KCNMB2: variants seen among roughly 807,000 people sequenced by gnomAD.
KCNMB2 encodes calcium-activated potassium channel subunit beta-2.
Under a neutral mutation model 24.5 loss-of-function variants are expected in KCNMB2, and 9 were observed. The ratio of observed to expected loss-of-function variants is 0.37; its 90% CI spans 0.22 to 0.64. KCNMB2 has a LOEUF of 0.64. Ranked by LOEUF, KCNMB2 falls within the 30% of genes least tolerant of loss-of-function variation. The pLI is 0.63. For synonymous variants in KCNMB2, 109 were observed against 104.4 expected (o/e 1.04, Z -0.27); for missense variants, 226 against 284.3 (o/e 0.79, Z 1.47).
chr3:178,573,814 AAT>A (rs1472886740), intron 1 of KCNMB2, among the ~76,000 whole-genome samples: 1 of 151,774 alleles, frequency 6.6e-6, no homozygotes, highest in African/African-American at 2.4e-5. Flanking sequence ...GGCACTAAGC[AAT>A]ATGAGAGATA....
At chr3:178,821,689 A>G (rs1391951564) in intron 2 of KCNMB2, among the ~76,000 whole-genome samples, 1 of 152,112 alleles carries the variant, frequency 6.6e-6, no homozygotes, top group Non-Finnish European at 1.5e-5. Context: ...AGAGTAGGGA[A>G]ATACGGAAAC....
intron 1 of KCNMB2, among the ~76,000 whole-genome samples, chr3:178,628,988 T>C (rs965772181): frequency 1.3e-5 from 2 of 152,200 alleles, no homozygotes; most frequent in African/African-American, 4.8e-5. Context: ...AATATAAAAA[T>C]ACTCATTTAA....
intron 4 of KCNMB2, among the ~76,000 whole-genome samples, chr3:178,831,469 CA>C (rs1467089346): frequency 1.3e-5 from 2 of 152,064 alleles, no homozygotes; most frequent in Admixed American, 6.6e-5. Context: ...GCAGTTCTCA[CA>C]ATAGCAAAGA....
At chr3:178,567,366 T>A (rs947974488) in intron 1 of KCNMB2, among the ~76,000 whole-genome samples, 1 of 152,164 alleles carries the variant, frequency 6.6e-6, no homozygotes, top group African/African-American at 2.4e-5. Flanking sequence ...TAGAAATGTC[T>A]AAATGTGGAG....
intron 1 of KCNMB2, among the ~76,000 whole-genome samples, chr3:178,680,568 A>G (rs1193060425): frequency 2.0e-5 from 3 of 152,138 alleles, no homozygotes; most frequent in Non-Finnish European, 4.4e-5. Context: ...CCCAACTCCA[A>G]TGTGAGGAAT....
intron 1 of KCNMB2, among the ~76,000 whole-genome samples, chr3:178,792,977 C>T (rs1713385168): frequency 6.6e-6 from 1 of 152,160 alleles, no homozygotes; most frequent in South Asian, 2.1e-4. Context: ...CTGCTTGGAG[C>T]CTGTACTGTC....
In KCNMB2 at chr3:178,842,775, G is replaced by C. The variant is rs1715471612; in HGVS notation, c.546G>C (p.Gln182His). ...FSCYSDPEGN[Q>H]KSVILTKLYS... The stretch of plus-strand genomic sequence containing the variant: ...GCTATTCTGACCCAGAAGGAAACCA[G>C]AAGAGTGTTATCCTAACAAAACTCT... Residue 182 changes from glutamine to histidine, a missense_variant, in exon 5 of 5, where the codon CAG becomes CAC. Coordinates refer to ENST00000452583, the MANE Select transcript of KCNMB2 (RefSeq NM_181361.3). 1 of 1,613,964 alleles carries C rather than the reference G, an allele frequency of 6.2e-7. No homozygotes were observed. The highest frequency in any genetic ancestry group is 8.5e-7 in the Non-Finnish European group (1 of 1,179,850).
At chr3:178,614,645 C>G (rs1718641706) in intron 1 of KCNMB2, among the ~76,000 whole-genome samples, 1 of 151,938 alleles carries the variant, frequency 6.6e-6, no homozygotes, top group Admixed American at 6.6e-5. Context: ...ACAGCCAAAC[C>G]ATATCACTTA....
chr3:178,588,519 C>T (rs550832680), intron 1 of KCNMB2, among the ~76,000 whole-genome samples: 48 of 152,182 alleles, frequency 3.2e-4, no homozygotes, highest in African/African-American at 1.1e-3. Flanking sequence ...GAAAGGTGAT[C>T]TCTGTTGATA....
Position 178,663,912 on chromosome 3 carries a change from T to A in KCNMB2, c.-68+127201T>A, listed in dbSNP as rs185324151. Among the ~76,000 whole-genome samples, 182 of 152,148 alleles carry A rather than the reference T, an allele frequency of 1.2e-3. 1 individual carries two copies. Among genetic ancestry groups the A allele is most frequent in the South Asian group, 7.3e-3 (35 of 4,822 alleles). ...GAAACACTGGTGGCAAGAAGACTAA[T>A]CTAGAGACTGTGGCACAAGTTTGAA... On this transcript the variant is annotated intron_variant, in intron 1 of 4. Coordinates refer to ENST00000452583, the MANE Select transcript of KCNMB2 (RefSeq NM_181361.3).
intron 1 of KCNMB2, among the ~76,000 whole-genome samples, chr3:178,597,108 G>A (rs563055832): frequency 1.3e-5 from 2 of 152,148 alleles, no homozygotes; most frequent in Non-Finnish European, 2.9e-5. Context: ...GCACAGTCTC[G>A]AGCTACCTGA....
At chr3:178,574,276 C>T (rs1314395315) in intron 1 of KCNMB2, among the ~76,000 whole-genome samples, 1 of 152,202 alleles carries the variant, frequency 6.6e-6, no homozygotes, top group Non-Finnish European at 1.5e-5. Context: ...TCAGGCTGCA[C>T]TGAACACACA....
intron 1 of KCNMB2, among the ~76,000 whole-genome samples, chr3:178,716,520 T>C (rs1301110870): frequency 6.6e-6 from 1 of 150,934 alleles, no homozygotes; most frequent in South Asian, 2.1e-4. Context: ...CTCGGCTCAC[T>C]GCAATTTCCA....
chr3:178,767,080 T>A (rs1712152454), intron 1 of KCNMB2, among the ~76,000 whole-genome samples: 1 of 152,184 alleles, frequency 6.6e-6, no homozygotes, highest in African/African-American at 2.4e-5. Context: ...GGGTACTAAA[T>A]ATCCTACAAT....
chr3:178,549,743 C>T (rs907565872), intron 1 of KCNMB2, among the ~76,000 whole-genome samples: 5 of 152,114 alleles, frequency 3.3e-5, no homozygotes, highest in Admixed American at 1.3e-4. Flanking sequence ...AGTAACAACA[C>T]TCATTGTCTC....
intron 1 of KCNMB2, among the ~76,000 whole-genome samples, chr3:178,564,979 A>G (rs1716466575): frequency 6.6e-6 from 1 of 152,218 alleles, no homozygotes; most frequent in Non-Finnish European, 1.5e-5. Flanking sequence ...GGTAATAAAA[A>G]TATTAAAGTA....
In KCNMB2 at chr3:178,822,085, A is replaced by G. The variant is rs1273139857; in HGVS notation, c.57-3503A>G. ...AAGGCCAAGCTCTTTAGAATGACTT[A>G]CAAAACCCTTCATGGCCTACCTACC... On this transcript the variant is annotated intron_variant, in intron 2 of 4. Coordinates refer to ENST00000452583, the MANE Select transcript of KCNMB2 (RefSeq NM_181361.3). Among the ~76,000 whole-genome samples the G allele has an allele frequency of 2.0e-5, 3 of 152,224 alleles. No homozygotes were observed. In the East Asian group the frequency reaches 5.8e-4, roughly 29 times the overall value.
chr3:178,652,523 T>C (rs903424223), intron 1 of KCNMB2, among the ~76,000 whole-genome samples: 2 of 152,134 alleles, frequency 1.3e-5, no homozygotes, highest in Non-Finnish European at 2.9e-5. Context: ...TTAACACACA[T>C]CTATGATACT....
rs150463477 is a variant in KCNMB2 at position 178,640,165 on chromosome 3, T to C, written c.-68+103454T>C. 5.2e-4 allele frequency among the ~76,000 whole-genome samples: 79 copies of C among 152,334 alleles called. 1 individual carries two copies. The highest frequency in any genetic ancestry group is 1.8e-3 in the African/African-American group (75 of 41,588). On this transcript the variant is annotated intron_variant, in intron 1 of 4. Coordinates refer to ENST00000452583, the MANE Select transcript of KCNMB2 (RefSeq NM_181361.3). ...ACACAATGAAATGGGCACAAGACGCTACTATCTCTATTGGTAACTGTATTC... is the reference window on the plus strand; with the variant it reads ...ACACAATGAAATGGGCACAAGACGCCACTATCTCTATTGGTAACTGTATTC...
Sources: gnomAD v4.1 joint callset for allele counts (sites outside exome capture counted in the v4.1 genomes callset) on GRCh38, gnomAD v4.1.1 for gene constraint, MANE v1.5 for transcripts, NCBI Gene and HGNC (gene_info 2026-07-23, HGNC 2026-07-21) for gene names.